RAP1GAP2: variants seen among roughly 807,000 people sequenced by gnomAD.
The protein encoded by RAP1GAP2 is RAP1 GTPase activating protein 2.
In RAP1GAP2, 27 loss-of-function variants were observed where a neutral mutation model predicts 95.0. The observed-to-expected ratio is 0.28, with a 90% CI of 0.21 to 0.39. The LOEUF (loss-of-function observed/expected upper bound fraction) is 0.39, where lower values mean the gene tolerates loss of function less well. RAP1GAP2 is among the 10% of genes least tolerant of loss of function. The probability of loss-of-function intolerance (pLI) is 1.00; values close to 1 mark genes in which losing one functional copy is unlikely to be tolerated. For missense variants in RAP1GAP2, 771 were observed against 970.0 expected (o/e 0.79, Z 2.72); for synonymous variants, 373 against 380.9 (o/e 0.98, Z 0.24).
intron 2 of RAP1GAP2, among the ~76,000 whole-genome samples, chr17:2,864,328 C>T (rs1255538972): frequency 6.6e-6 from 1 of 152,248 alleles, no homozygotes; most frequent in African/African-American, 2.4e-5. Flanking sequence ...GCGTCCATGC[C>T]TGATGGGTGT....
rs186862729 is a variant in RAP1GAP2, at chr17:2,797,720, C to T, written c.44+1149C>T. The T allele has an allele frequency of 7.2e-5, 71 of 985,338 alleles. No individual in the cohort carries two copies. Among genetic ancestry groups the T allele is most frequent in the East Asian group, 2.3e-4 (2 of 8,794 alleles). The allele number at this position is 985,338 out of a possible 1,614,324, so 61.0% of individuals were successfully genotyped here. A position where few individuals can be genotyped will look rare whatever the true frequency, so the allele number is the denominator to read the frequency against. The stretch of plus-strand genomic sequence containing the variant: ...TGGTGCGGATGAGAAGATGGCACAG[C>T]GTCGCCTGTGTCTGCTCTCGGGCCC... On this transcript the variant is annotated intron_variant, in intron 1 of 24. Transcript: ENST00000254695. This position sits in a 1 kb window ranked among gnomAD's most constrained non-coding sequence, Gnocchi z 5.6.
intron 3 of RAP1GAP2, among the ~76,000 whole-genome samples, chr17:2,944,557 T>C (rs2151439298): frequency 6.6e-6 from 1 of 152,314 alleles, no homozygotes; most frequent in African/African-American, 2.4e-5. Context: ...AAGTATTGAT[T>C]GGGAAATATG....
At chr17:2,850,843 C>T (rs2151592655) in intron 2 of RAP1GAP2, among the ~76,000 whole-genome samples, 1 of 151,464 alleles carries the variant, frequency 6.6e-6, no homozygotes, top group East Asian at 1.9e-4. Flanking sequence ...GGCGGATCAC[C>T]TGAGGTCAGG....
Position 2,797,521 on chromosome 17 carries a change from A to G in RAP1GAP2, c.44+950A>G, listed in dbSNP as rs1202534021. Among the ~76,000 whole-genome samples, 2 of 150,724 alleles carry G rather than the reference A, an allele frequency of 1.3e-5. No individual in the cohort carries two copies. ...GCCGGGGGGTGTCCCGGTGTGGAAAATGGTGGACTAATGGGGGTGGCACGA... is the reference window on the plus strand; with the variant it reads ...GCCGGGGGGTGTCCCGGTGTGGAAAGTGGTGGACTAATGGGGGTGGCACGA... On this transcript the variant is annotated intron_variant, in intron 1 of 24. Coordinates refer to ENST00000254695, the MANE Select transcript of RAP1GAP2 (RefSeq NM_015085.5). The surrounding 1 kb of genome is among the most constrained non-coding windows in gnomAD (Gnocchi z 5.6).
rs2072864878 is a variant in RAP1GAP2 at position 2,871,974 on chromosome 17, A to G, written c.81-33310A>G. ...CGTGGTGGCTCACGCCTGGAATCTC[A>G]GCGCTTTTGGAGGCTGAGGTGGGTG... is the stretch of plus-strand genomic sequence containing the variant. On this transcript the variant is annotated intron_variant, in intron 2 of 24. Transcript: ENST00000254695. This position sits in a 1 kb window ranked among gnomAD's most constrained non-coding sequence, Gnocchi z 5.0. Among the ~76,000 whole-genome samples, 1 of 152,106 alleles carries G rather than the reference A, an allele frequency of 6.6e-6. No homozygotes were observed. The highest frequency in any genetic ancestry group is 6.5e-5 in the Admixed American group (1 of 15,270).
chr17:2,935,232 G>T (rs1384369181), intron 3 of RAP1GAP2, among the ~76,000 whole-genome samples: 1 of 152,170 alleles, frequency 6.6e-6, no homozygotes, highest in Non-Finnish European at 1.5e-5. Flanking sequence ...TTCAGGCCAG[G>T]CGCAGTGGCT....
In RAP1GAP2 at chr17:2,853,857, C is replaced by T. The variant is rs1303393415; in HGVS notation, c.81-51427C>T. On this transcript the variant is annotated intron_variant, in intron 2 of 24. Coordinates refer to ENST00000254695, the MANE Select transcript of RAP1GAP2 (RefSeq NM_015085.5). ...GCGCGCGGTCACCTGACCCCCGGGG[C>T]GCACCTAGGCGGGGCGGGGCCCATG... The T allele has an allele frequency of 3.2e-6, 3 of 923,808 alleles. No individual in the cohort carries two copies. In the African/African-American group the frequency reaches 5.4e-5, roughly 17 times the overall value. The allele number at this position is 923,808 out of a possible 1,614,324, so 57.2% of individuals were successfully genotyped here. A position where few individuals can be genotyped will look rare whatever the true frequency, so the allele number is the denominator to read the frequency against.
intron 4 of RAP1GAP2, chr17:2,962,449 G>A (rs935592217): frequency 3.7e-5 from 19 of 517,992 alleles, no homozygotes; most frequent in South Asian, 8.0e-5. Context: ...GAACCCCGGC[G>A]ATCTGGCTCA....
chr17:2,995,713 G>C (rs2151578865), intron 13 of RAP1GAP2, among the ~76,000 whole-genome samples: 1 of 150,568 alleles, frequency 6.6e-6, no homozygotes, highest in East Asian at 1.9e-4. Flanking sequence ...AGGCGGGGCA[G>C]AGCTTGTGTT....
intron 3 of RAP1GAP2, among the ~76,000 whole-genome samples, chr17:2,907,876 G>C (rs1379651029): frequency 6.6e-6 from 1 of 152,114 alleles, no homozygotes; most frequent in African/African-American, 2.4e-5. Context: ...GCGCGATCTT[G>C]GCTCACTGCA....
chr17:2,889,718 T>G (rs2073624609), intron 2 of RAP1GAP2, among the ~76,000 whole-genome samples: 1 of 145,234 alleles, frequency 6.9e-6, no homozygotes, highest in African/African-American at 2.6e-5. Flanking sequence ...AGTCTCACTC[T>G]GTCGCCCAGG....
intron 2 of RAP1GAP2, among the ~76,000 whole-genome samples, chr17:2,901,145 G>T (rs2042014308): frequency 6.6e-6 from 1 of 152,146 alleles, no homozygotes; most frequent in African/African-American, 2.4e-5. Context: ...GACGCGTCCT[G>T]GTCTCCCTGA....
At chr17:2,943,683 AAAAAC>A (rs1174425560) in intron 3 of RAP1GAP2, among the ~76,000 whole-genome samples, 5 of 151,986 alleles carry the variant, frequency 3.3e-5, no homozygotes, top group East Asian at 1.9e-4. Context: ...ACAAACAAAA[AAAAAC>A]AAACAAAAAC....
intron 2 of RAP1GAP2, among the ~76,000 whole-genome samples, chr17:2,830,039 T>C: frequency 6.6e-6 from 1 of 152,152 alleles, no homozygotes; most frequent in East Asian, 1.9e-4. Context: ...ACATGAACTC[T>C]ACCCTCTTAA....
intron 3 of RAP1GAP2, among the ~76,000 whole-genome samples, chr17:2,923,593 C>A (rs2042862958): frequency 6.6e-6 from 1 of 152,088 alleles, no homozygotes; most frequent in Non-Finnish European, 1.5e-5. Context: ...CTCAGCCTCC[C>A]AAAGTGCTGG....
intron 17 of RAP1GAP2, among the ~76,000 whole-genome samples, chr17:3,012,463 C>A (rs1288233054): frequency 5.9e-5 from 9 of 151,936 alleles, no homozygotes; most frequent in East Asian, 3.9e-4. Context: ...ACTAAAAATA[C>A]AAAAATCAGA....
At chr17:2,819,476 CT>C (rs572839076) in intron 2 of RAP1GAP2, among the ~76,000 whole-genome samples, 17 of 148,362 alleles carry the variant, frequency 1.1e-4, no homozygotes, top group East Asian at 2.0e-4. Context: ...CCACCACACA[CT>C]TTTTTTTTTC....
At chr17:2,913,765 A>T (rs9891984) in intron 3 of RAP1GAP2, among the ~76,000 whole-genome samples, 2 of 152,152 alleles carry the variant, frequency 1.3e-5, no homozygotes, top group Non-Finnish European at 2.9e-5. Flanking sequence ...ACATTTCTGC[A>T]ACCCCAGAAA....
intron 17 of RAP1GAP2, among the ~76,000 whole-genome samples, chr17:3,010,305 A>G (rs1597865532): frequency 7.4e-6 from 1 of 134,246 alleles, no homozygotes; most frequent in African/African-American, 2.9e-5. Context: ...ACGCCACTGC[A>G]CTCCAGCCTG....
Sources: allele counts gnomAD v4.1 joint callset (sites outside exome capture counted in the v4.1 genomes callset), GRCh38; gene constraint gnomAD v4.1.1; non-coding constraint Gnocchi (gnomAD v3.1); transcripts MANE v1.5; gene names NCBI Gene and HGNC (gene_info 2026-07-23, HGNC 2026-07-21).